Variants in SIPA1L1 observed in about 807,000 individuals in gnomAD.
SIPA1L1 encodes signal induced proliferation associated 1 like 1.
Under a neutral mutation model 162.7 loss-of-function variants are expected in SIPA1L1, and 26 were observed. That is an observed-to-expected ratio of 0.16 (90% confidence interval 0.12 to 0.22). SIPA1L1 has a LOEUF of 0.22. Ranked by LOEUF, SIPA1L1 falls within the 10% of genes least tolerant of loss-of-function variation. The pLI, the probability that SIPA1L1 is intolerant of heterozygous loss-of-function variation, is 1.00. For synonymous variants in SIPA1L1, 829 were observed against 837.4 expected, an observed-to-expected ratio of 0.99 and a Z score of 0.17; for missense variants, 1,874 against 2,241.0, an observed-to-expected ratio of 0.84 and a Z score of 3.31.
At chr14:71,565,265 G>A (rs548941459) in intron 4 of SIPA1L1, among the ~76,000 whole-genome samples, 20 of 152,110 alleles carry the variant, frequency 1.3e-4, no homozygotes, top group African/African-American at 3.6e-4. Context: ...TTTTCAGTTG[G>A]GTCAGGTGTT....
intron 4 of SIPA1L1, 52 bp downstream of exon 4, chr14:71,529,422 T>C: frequency 3.5e-6 from 2 of 578,694 alleles, no homozygotes; most frequent in Non-Finnish European, 6.3e-6. Flanking sequence ...AAAGTGTTGA[T>C]TTTCTGTGTT....
intron 8 of SIPA1L1, among the ~76,000 whole-genome samples, chr14:71,655,774 G>A (rs1183816183): frequency 6.6e-6 from 1 of 152,090 alleles, no homozygotes; most frequent in African/African-American, 2.4e-5. Context: ...CTTCTTTTGA[G>A]AAGTGTCTAT....
At chr14:71,394,986 A>G (rs8023058) in intron 2 of SIPA1L1, among the ~76,000 whole-genome samples, 64,509 of 152,082 alleles carry the variant, frequency 0.42, 14,303 homozygotes, top group Admixed American at 0.51. Flanking sequence ...ATTATATAAT[A>G]TGATGCTATT....
chr14:71,652,555 T>G (rs938766735), intron 8 of SIPA1L1, among the ~76,000 whole-genome samples: 8 of 152,132 alleles, frequency 5.3e-5, no homozygotes, highest in African/African-American at 1.7e-4. Context: ...TAACCTCCCA[T>G]CTCTCTGAGA....
rs766888315 is a variant in SIPA1L1 at position 71,671,171 on chromosome 14, A to G, written c.2308A>G (p.Lys770Glu). The G allele has an allele frequency of 6.2e-7, 1 of 1,613,844 alleles. No homozygotes were observed. The highest frequency in any genetic ancestry group is 1.1e-5 in the South Asian group (1 of 91,060). ...GCCTTCCTTTGGGCCTCCCATTCCT[A>G]AAGGGGTCACTTTCCCTAAGTCAAA... ...DVPSFGPPIP[K>E]GVTFPKSNVF... Residue 770 changes from lysine to glutamate, a missense_variant, in exon 11 of 24, where the codon AAA becomes GAA. Lys to Glu is a moderately conservative substitution (Grantham distance 56). Coordinates refer to ENST00000381232, the MANE Select transcript of SIPA1L1 (RefSeq NM_001386936.1).
Position 71,445,407 on chromosome 14 carries a change from T to G in SIPA1L1, c.-464-67336T>G, listed in dbSNP as rs941552019. Among the ~76,000 whole-genome samples, 5 of 152,338 alleles carry G rather than the reference T, an allele frequency of 3.3e-5. No individual in the cohort carries two copies. In the South Asian group the frequency reaches 1.0e-3, roughly 32 times the overall value. On this transcript the variant is annotated intron_variant, in intron 2 of 23. Coordinates refer to ENST00000381232, the MANE Select transcript of SIPA1L1 (RefSeq NM_001386936.1). The stretch of plus-strand genomic sequence containing the variant: ...AGCTACACTGATCACTGTTTCTTTC[T>G]CGGGAATTTTATTTTAAAATAAAGT...
At chr14:71,381,846 T>C (rs2039930769) in intron 2 of SIPA1L1, among the ~76,000 whole-genome samples, 1 of 152,226 alleles carries the variant, frequency 6.6e-6, no homozygotes, top group African/African-American at 2.4e-5. Flanking sequence ...ACTATCTTTC[T>C]ATGCCTAATT....
At chr14:71,692,940 G>A (rs1192165344) in intron 13 of SIPA1L1, among the ~76,000 whole-genome samples, 2 of 152,130 alleles carry the variant, frequency 1.3e-5, no homozygotes, top group Non-Finnish European at 2.9e-5. Flanking sequence ...GGAGTGTGTG[G>A]CAGTGGGCAA....
At chr14:71,323,292 A>G (rs2033349888) in intron 2 of SIPA1L1, among the ~76,000 whole-genome samples, 2 of 152,190 alleles carry the variant, frequency 1.3e-5, no homozygotes, top group Admixed American at 1.3e-4. Flanking sequence ...TTAAGTTGCA[A>G]TCTGAATTTT....
At chr14:71,520,538 C>A (rs1285083383) in intron 3 of SIPA1L1, among the ~76,000 whole-genome samples, 1 of 152,134 alleles carries the variant, frequency 6.6e-6, no homozygotes, top group Admixed American at 6.5e-5. Context: ...ACTCTGGAAG[C>A]CCCTGATGGG....
At chr14:71,480,450 T>G (rs1488385747) in intron 2 of SIPA1L1, among the ~76,000 whole-genome samples, 2 of 143,266 alleles carry the variant, frequency 1.4e-5, no homozygotes, top group Non-Finnish European at 3.0e-5. Context: ...TTTCTCTTAG[T>G]CTTAAAAAAA....
At chr14:71,450,686 C>T (rs1248278694) in intron 2 of SIPA1L1, among the ~76,000 whole-genome samples, 2 of 150,762 alleles carry the variant, frequency 1.3e-5, no homozygotes, top group South Asian at 2.1e-4. Flanking sequence ...GTTATTAAAA[C>T]CTGTTAGAAT....
intron 14 of SIPA1L1, among the ~76,000 whole-genome samples, chr14:71,701,792 T>C (rs1265676024): frequency 6.6e-6 from 1 of 152,242 alleles, no homozygotes; most frequent in Non-Finnish European, 1.5e-5. Context: ...GTTTACCTGC[T>C]TCCAAATTGC....
intron 4 of SIPA1L1, among the ~76,000 whole-genome samples, chr14:71,576,857 G>C (rs1044172803): frequency 1.3e-5 from 2 of 152,158 alleles, no homozygotes; most frequent in African/African-American, 2.4e-5. Context: ...AGCCGAGGCA[G>C]CTGGATCACG....
chr14:71,699,978 T>G (rs2081962351), intron 14 of SIPA1L1, among the ~76,000 whole-genome samples: 2 of 152,232 alleles, frequency 1.3e-5, no homozygotes, highest in Non-Finnish European at 2.9e-5. Flanking sequence ...AATTAAGTTC[T>G]TCAAAAACAG....
At chr14:71,505,828 C>T (rs1567119827) in intron 2 of SIPA1L1, among the ~76,000 whole-genome samples, 1 of 151,928 alleles carries the variant, frequency 6.6e-6, no homozygotes, top group Non-Finnish European at 1.5e-5. Flanking sequence ...GTTTTGTGCA[C>T]AAAATTATTG....
At chr14:71,549,339 G>A (rs1002464978) in intron 4 of SIPA1L1, among the ~76,000 whole-genome samples, 22 of 151,374 alleles carry the variant, frequency 1.5e-4, no homozygotes, top group Non-Finnish European at 2.1e-4. Flanking sequence ...TAAATGCCGA[G>A]ATTTCTTGTT....
At chr14:71,674,168 T>C (rs1435581809) in intron 12 of SIPA1L1, among the ~76,000 whole-genome samples, 2 of 152,230 alleles carry the variant, frequency 1.3e-5, no homozygotes, top group African/African-American at 4.8e-5. Context: ...GACCGTCTAC[T>C]GAAATATGGA....
intron 5 of SIPA1L1, among the ~76,000 whole-genome samples, chr14:71,616,231 A>G (rs1458847555): frequency 2.6e-5 from 4 of 152,214 alleles, no homozygotes; most frequent in African/African-American, 9.6e-5. Flanking sequence ...GAGTGTTTCT[A>G]GAAGACATGA....
Sources: allele counts gnomAD v4.1 joint callset (sites outside exome capture counted in the v4.1 genomes callset), GRCh38; gene constraint gnomAD v4.1.1; transcripts MANE v1.5; gene names NCBI Gene and HGNC (gene_info 2026-07-23, HGNC 2026-07-21).